Variants in FNIP2 observed in about 807,000 individuals in gnomAD.
FNIP2 encodes folliculin-interacting protein 2.
A neutral mutation model predicts 108.7 loss-of-function variants in FNIP2; 32 were observed. The observed-to-expected ratio is 0.29, with a 90% CI of 0.22 to 0.40. The LOEUF (loss-of-function observed/expected upper bound fraction) is 0.40, where lower values mean the gene tolerates loss of function less well. Among genes scored for constraint, FNIP2 ranks in the 10% least tolerant of loss-of-function variants. The pLI, the probability that FNIP2 is intolerant of heterozygous loss-of-function variation, is 1.00. For synonymous variants in FNIP2, 480 were observed against 496.7 expected (o/e 0.97, Z 0.45); for missense variants, 1,202 against 1,381.6 (o/e 0.87, Z 2.06).
chr4:158,804,905 CAG>C (rs1776889600), intron 1 of FNIP2, among the ~76,000 whole-genome samples: 3 of 152,126 alleles, frequency 2.0e-5, no homozygotes, highest in Non-Finnish European at 4.4e-5. Context: ...GCATGTGCCA[CAG>C]AGAATTCAAG....
rs1233720881 is a variant in FNIP2 at position 158,904,756 on chromosome 4, A to C, written c.*212A>C. The stretch of plus-strand genomic sequence containing the variant: ...AATAGCATTTGTGATTGTCGTGAAC[A>C]CTTTAGGCCATTTGTTACCCATGAA... On this transcript the variant is annotated 3_prime_UTR_variant, in exon 17 of 17. Coordinates refer to ENST00000264433, the MANE Select transcript of FNIP2 (RefSeq NM_020840.3). The C allele has an allele frequency of 1.9e-6, 1 of 530,902 alleles. No homozygotes were observed. Among genetic ancestry groups the C allele is most frequent in the East Asian group, 3.1e-5 (1 of 32,022 alleles). 32.9% of individuals were successfully genotyped at this position (530,902 alleles called of 1,614,324 possible). A position where few individuals can be genotyped will look rare whatever the true frequency, so the allele number is the denominator to read the frequency against.
rs866369357 is a variant in FNIP2 at position 158,881,907 on chromosome 4, C to T, written c.2950-9539C>T. Reference sequence around the variant, plus strand: ...GAAGTGAGGAGCGTCTCTGCCTGGCCGCCCATCGTCTGGGATGTGAGGAGC... The same window carrying T: ...GAAGTGAGGAGCGTCTCTGCCTGGCTGCCCATCGTCTGGGATGTGAGGAGC... On this transcript the variant is annotated intron_variant, in intron 14 of 16. Transcript: ENST00000264433. 1.0e-3 allele frequency among the ~76,000 whole-genome samples: 158 copies of T among 151,682 alleles called. No homozygotes were observed. The Middle Eastern group carries it at 0.021, about 20-fold the overall frequency.
intron 1 of FNIP2, among the ~76,000 whole-genome samples, chr4:158,823,100 T>C (rs2126552633): frequency 6.6e-6 from 1 of 152,358 alleles, no homozygotes; most frequent in South Asian, 2.1e-4. Flanking sequence ...AACAACTTGG[T>C]TATAAATTAT....
rs888799841 is a variant in FNIP2, at chr4:158,772,697, A to G, written c.107+3378A>G. ...AAATTTAATCTGTTATAGAGTTAGT[A>G]TAAGTATAATTTAATCCACTTATCA... On this transcript the variant is annotated intron_variant, in intron 1 of 16. Coordinates refer to ENST00000264433, the MANE Select transcript of FNIP2 (RefSeq NM_020840.3). 3.3e-5 allele frequency among the ~76,000 whole-genome samples: 5 copies of G among 152,324 alleles called. No individual in the cohort carries two copies. In the South Asian group the frequency reaches 8.3e-4, roughly 25 times the overall value.
In FNIP2 at chr4:158,904,642, G is replaced by C. The variant is rs1009286889; in HGVS notation, c.*98G>C. ...CTCTGTGATGTCAAAAGCATGAGAAGAGCAAACAGAAACAGTCATTCCACC... is the reference window on the plus strand; with the variant it reads ...CTCTGTGATGTCAAAAGCATGAGAACAGCAAACAGAAACAGTCATTCCACC... On this transcript the variant is annotated 3_prime_UTR_variant, in exon 17 of 17. Transcript: ENST00000264433. 9.5e-7 allele frequency: 1 copy of C among 1,053,632 alleles called. No homozygotes were observed. The highest frequency in any genetic ancestry group is 2.0e-5 in the Admixed American group (1 of 49,520). The allele number at this position is 1,053,632 out of a possible 1,614,324, so 65.3% of individuals were successfully genotyped here.
chr4:158,859,674 G>A lies in FNIP2; in HGVS notation c.1148+8G>A. On this transcript the variant is annotated splice_region_variant and intron_variant, in intron 10 of 16. Coordinates refer to ENST00000264433, the MANE Select transcript of FNIP2 (RefSeq NM_020840.3). Reference sequence around the variant, plus strand: ...AGCTCTGGGAGAATTCAGGTAAAGTGGCAAAGTTTGGCAAATCCAACAGGA... The same window carrying A: ...AGCTCTGGGAGAATTCAGGTAAAGTAGCAAAGTTTGGCAAATCCAACAGGA... 6.2e-7 allele frequency: 1 copy of A among 1,606,314 alleles called. No individual in the cohort carries two copies. Among genetic ancestry groups the A allele is most frequent in the African/African-American group, 1.3e-5 (1 of 74,874 alleles).
intron 14 of FNIP2, among the ~76,000 whole-genome samples, chr4:158,884,128 A>C (rs369712552): frequency 6.6e-6 from 1 of 152,162 alleles, no homozygotes; most frequent in African/African-American, 2.4e-5. Flanking sequence ...GTGAAATACT[A>C]GTCATTTAAA....
chr4:158,898,426 G>A (rs996936577), intron 16 of FNIP2, among the ~76,000 whole-genome samples: 16 of 152,218 alleles, frequency 1.1e-4, no homozygotes, highest in Admixed American at 7.9e-4. Flanking sequence ...AATTACTTTG[G>A]GGAGTATGGC....
chr4:158,863,785 T>C (rs1458859944), intron 12 of FNIP2, among the ~76,000 whole-genome samples: 1 of 151,010 alleles, frequency 6.6e-6, no homozygotes, highest in Non-Finnish European at 1.5e-5. Context: ...TAAATGCCAC[T>C]GTCTACACCA....
At chr4:158,816,784 CAA>C (rs543335523) in intron 1 of FNIP2, among the ~76,000 whole-genome samples, 1,018 of 101,230 alleles carry the variant, frequency 0.01, 3 homozygotes, top group African/African-American at 0.024. Flanking sequence ...GACTCTGTCT[CAA>C]AAAAAAAAAA....
At chr4:158,816,125 A>G (rs570138497) in intron 1 of FNIP2, among the ~76,000 whole-genome samples, 1 of 152,180 alleles carries the variant, frequency 6.6e-6, no homozygotes, top group Non-Finnish European at 1.5e-5. Flanking sequence ...GTATTTTACA[A>G]CCCAAAATAG....
At position 158,904,711 on chromosome 4, in the gene FNIP2, G is replaced by GT; in HGVS notation, c.*167_*168insT. 1.6e-6 allele frequency: 1 copy of GT among 616,566 alleles called. No homozygotes were observed. Among genetic ancestry groups the GT allele is most frequent in the Non-Finnish European group, 2.9e-6 (1 of 350,770 alleles). The allele number at this position is 616,566 out of a possible 1,614,324, so 38.2% of individuals were successfully genotyped here. On this transcript the variant is annotated 3_prime_UTR_variant, in exon 17 of 17. Transcript: ENST00000264433. The stretch of plus-strand genomic sequence containing the variant: ...GCTGTCAAGCTGATGCTTCATTGAA[G>GT]ACTTAGGTTTACTTGACATAATAGC...
intron 7 of FNIP2, among the ~76,000 whole-genome samples, chr4:158,845,609 G>A (rs1428346733): frequency 6.6e-6 from 1 of 152,222 alleles, no homozygotes; most frequent in Non-Finnish European, 1.5e-5. Flanking sequence ...ATGTATACTA[G>A]CACTCGAGCA....
At chr4:158,827,178 G>A (rs1281968513) in intron 2 of FNIP2, among the ~76,000 whole-genome samples, 1 of 152,214 alleles carries the variant, frequency 6.6e-6, no homozygotes, top group East Asian at 1.9e-4. Flanking sequence ...GTGATTCACT[G>A]TAGGCTTTCC....
At chr4:158,833,424 T>C (rs1778587430) in intron 5 of FNIP2, 104 bp from the exon 6 acceptor site, 3 of 665,220 alleles carry the variant, frequency 4.5e-6, no homozygotes, top group Non-Finnish European at 8.0e-6. Flanking sequence ...ATTGAGTGAC[T>C]GATCAGTCGT....
chr4:158,899,755 G>C (rs187581388), intron 16 of FNIP2, among the ~76,000 whole-genome samples: 2 of 151,922 alleles, frequency 1.3e-5, no homozygotes, highest in African/African-American at 4.8e-5. Context: ...TTCTTTATTA[G>C]TCTGGCTAGT....
intron 14 of FNIP2, among the ~76,000 whole-genome samples, chr4:158,874,753 C>T (rs1400870878): frequency 3.3e-5 from 5 of 151,780 alleles, no homozygotes; most frequent in Non-Finnish European, 5.9e-5. Context: ...CCATTATTTT[C>T]GTAAAAATGA....
intron 14 of FNIP2, chr4:158,872,175 T>G (rs983559478): frequency 1.0e-6 from 1 of 985,318 alleles, no homozygotes; most frequent in Admixed American, 6.1e-5. Context: ...CTGGGGACTT[T>G]GTTTGAATGC....
At chr4:158,828,557 A>G (rs907466887) in intron 2 of FNIP2, among the ~76,000 whole-genome samples, 6 of 152,268 alleles carry the variant, frequency 3.9e-5, no homozygotes, top group African/African-American at 1.2e-4. Flanking sequence ...CACGGGTTGC[A>G]GTGAGCCGAG....
Sources: allele counts gnomAD v4.1 joint callset (sites outside exome capture counted in the v4.1 genomes callset), GRCh38; gene constraint gnomAD v4.1.1; transcripts MANE v1.5; gene names NCBI Gene and HGNC (gene_info 2026-07-23, HGNC 2026-07-21).